Variants in MDGA2 observed in about 807,000 individuals in gnomAD.
The protein encoded by MDGA2 is MAM domain-containing glycosylphosphatidylinositol anchor protein 2.
In MDGA2, 40 loss-of-function variants were observed where a neutral mutation model predicts 117.8. That is an observed-to-expected ratio of 0.34 (90% confidence interval 0.26 to 0.44). The LOEUF (loss-of-function observed/expected upper bound fraction) is 0.44. Among genes scored for constraint, MDGA2 ranks in the 20% least tolerant of loss-of-function variants. MDGA2 has a pLI of 1.00. For missense variants in MDGA2, 1,123 were observed against 1,250.6 expected (o/e 0.90, Z 1.54); for synonymous variants, 452 against 439.0 (o/e 1.03, Z -0.37).
intron 1 of MDGA2, among the ~76,000 whole-genome samples, chr14:47,530,588 C>T (rs1895077839): frequency 1.3e-5 from 2 of 152,150 alleles, no homozygotes; most frequent in African/African-American, 4.8e-5. Context: ...TACCCCCATC[C>T]TCACTAAACT....
chr14:47,581,470 C>A (rs1017610594), intron 1 of MDGA2, among the ~76,000 whole-genome samples: 1 of 151,944 alleles, frequency 6.6e-6, no homozygotes, highest in African/African-American at 2.4e-5. Context: ...GGGGGATACA[C>A]TTTAGAATGA....
chr14:46,861,273 C>A (rs528516983), intron 14 of MDGA2, among the ~76,000 whole-genome samples: 1 of 151,974 alleles, frequency 6.6e-6, no homozygotes, highest in African/African-American at 2.4e-5. Context: ...TTAATAAATA[C>A]ATGATTTAGT....
intron 1 of MDGA2, among the ~76,000 whole-genome samples, chr14:47,570,268 T>C (rs1895994674): frequency 6.6e-6 from 1 of 152,188 alleles, no homozygotes; most frequent in East Asian, 1.9e-4. Flanking sequence ...TATTATATTC[T>C]TGGTGCAAAT....
chr14:47,112,141 G>A (rs948323640), intron 5 of MDGA2, among the ~76,000 whole-genome samples: 1 of 146,884 alleles, frequency 6.8e-6, no homozygotes, highest in Non-Finnish European at 1.5e-5. Flanking sequence ...AAAAAAGCGG[G>A]AGAGGAAAGA....
At chr14:47,129,677 A>G (rs2139142367) in intron 5 of MDGA2, among the ~76,000 whole-genome samples, 1 of 149,792 alleles carries the variant, frequency 6.7e-6, no homozygotes, top group Non-Finnish European at 1.5e-5. Flanking sequence ...ACTGACTTCC[A>G]CAATGGTTGA....
intron 2 of MDGA2, among the ~76,000 whole-genome samples, chr14:47,281,685 T>C (rs1006847425): frequency 7.9e-5 from 12 of 152,168 alleles, no homozygotes; most frequent in African/African-American, 2.9e-4. Flanking sequence ...AAATCCATTA[T>C]TTTTTAGGTG....
intron 7 of MDGA2, among the ~76,000 whole-genome samples, chr14:47,043,075 T>C (rs1340958175): frequency 6.6e-6 from 1 of 152,066 alleles, no homozygotes; most frequent in Non-Finnish European, 1.5e-5. Flanking sequence ...GAATAATACC[T>C]TTTAAACTAA....
chr14:46,893,031 T>C (rs1882941034), intron 10 of MDGA2, among the ~76,000 whole-genome samples: 1 of 151,876 alleles, frequency 6.6e-6, no homozygotes, highest in Admixed American at 6.6e-5. Flanking sequence ...ATCACCAACT[T>C]ATAAAGACAA....
chr14:46,844,471 C>T (rs182286540), intron 16 of MDGA2, among the ~76,000 whole-genome samples: 21 of 152,144 alleles, frequency 1.4e-4, no homozygotes, highest in African/African-American at 4.6e-4. Flanking sequence ...ATCCCAGCTA[C>T]TCAGGAGGCT....
intron 3 of MDGA2, among the ~76,000 whole-genome samples, chr14:47,157,638 T>A (rs1883450371): frequency 6.7e-6 from 1 of 148,600 alleles, no homozygotes. Context: ...TGTGTGTGTG[T>A]ATCTGATATG....
At chr14:47,493,836 G>C (rs1894223378) in intron 1 of MDGA2, among the ~76,000 whole-genome samples, 1 of 152,114 alleles carries the variant, frequency 6.6e-6, no homozygotes, top group Non-Finnish European at 1.5e-5. Flanking sequence ...ATTCTAGAAA[G>C]TCATTCTAGC....
At chr14:47,184,165 A>T (rs998507741) in intron 3 of MDGA2, among the ~76,000 whole-genome samples, 1 of 151,976 alleles carries the variant, frequency 6.6e-6, no homozygotes, top group African/African-American at 2.4e-5. Flanking sequence ...AAGTTTTATA[A>T]TTGTTTACTG....
chr14:47,557,657 C>G (rs8008302), intron 1 of MDGA2, among the ~76,000 whole-genome samples: 93,671 of 152,056 alleles, frequency 0.62, 30,143 homozygotes, highest in East Asian at 0.98. Context: ...AAACTAAATC[C>G]ATTTCTCAAT....
chr14:47,500,133 A>G (rs1344565116), intron 1 of MDGA2, among the ~76,000 whole-genome samples: 1 of 152,148 alleles, frequency 6.6e-6, no homozygotes, highest in Non-Finnish European at 1.5e-5. Flanking sequence ...TGTGTGGCTC[A>G]TACCCCTTCA....
At chr14:47,387,517 G>T (rs1891789315) in intron 1 of MDGA2, among the ~76,000 whole-genome samples, 1 of 151,934 alleles carries the variant, frequency 6.6e-6, no homozygotes, top group African/African-American at 2.4e-5. Flanking sequence ...ACTCTCCTTT[G>T]TACTCTTTTG....
chr14:46,992,683 G>C (rs1887137609), intron 8 of MDGA2, among the ~76,000 whole-genome samples: 1 of 152,112 alleles, frequency 6.6e-6, no homozygotes, highest in African/African-American at 2.4e-5. Context: ...AGAGACCGGA[G>C]TTCTCCAGTA....
At chr14:46,897,693 A>G (rs1032081883) in intron 10 of MDGA2, among the ~76,000 whole-genome samples, 1 of 104,322 alleles carries the variant, frequency 9.6e-6, no homozygotes, top group African/African-American at 3.1e-5. Flanking sequence ...CAATAATAAC[A>G]TCTTCTATTC....
chr14:47,301,390 G>A, intron 2 of MDGA2, 21 bp downstream of exon 2: 2 of 1,550,332 alleles, frequency 1.3e-6, no homozygotes, highest in South Asian at 1.2e-5. Context: ...GTTTTCTCCA[G>A]TGTCACAGTT....
chr14:47,155,888 C>CTTT lies in MDGA2; in HGVS notation c.596-11617_596-11615dup, dbSNP rs55827732. 5.8e-3 allele frequency among the ~76,000 whole-genome samples: 231 copies of CTTT among 40,080 alleles called. 15 individuals are homozygous for CTTT. Among genetic ancestry groups the CTTT allele is most frequent in the East Asian group, 7.8e-3 (12 of 1,534 alleles). 26.3% of individuals were successfully genotyped at this position (40,080 alleles called of 152,430 possible). On this transcript the variant is annotated intron_variant, in intron 3 of 16. Coordinates refer to ENST00000399232, the MANE Select transcript of MDGA2 (RefSeq NM_001113498.3). ...ATTCTTTTCTTTTCTTCTTCTTCTT[C>CTTT]TTTTTTTTTTTTTTTTTTTTTTTTT...
Sources: allele counts gnomAD v4.1 joint callset (sites outside exome capture counted in the v4.1 genomes callset), GRCh38; gene constraint gnomAD v4.1.1; transcripts MANE v1.5; gene names NCBI Gene and HGNC (gene_info 2026-07-23, HGNC 2026-07-21).